IRX6: variants seen among roughly 807,000 people sequenced by gnomAD.
IRX6 encodes the protein iroquois homeobox 6, also known as iroquois-class homeodomain protein IRX-6.
IRX6 carries 46 observed loss-of-function variants against 47.7 expected under a neutral mutation model. The observed-to-expected ratio is 0.96, with a 90% CI of 0.76 to 1.23. The LOEUF (loss-of-function observed/expected upper bound fraction) is 1.23. Among genes scored for constraint, IRX6 ranks in the 50% most tolerant of loss-of-function variants. The pLI is 0.00. For missense variants in IRX6, 722 were observed against 588.0 expected, an observed-to-expected ratio of 1.23 and a Z score of -2.36; for synonymous variants, 265 against 246.2, an observed-to-expected ratio of 1.08 and a Z score of -0.72.
chr16:55,325,530 GGAGAGAGAGA>G lies in IRX6; in HGVS notation c.45+417_45+426del, dbSNP rs750802559. Among the ~76,000 whole-genome samples the G allele has an allele frequency of 2.2e-4, 2 of 9,082 alleles. 1 individual carries two copies. The highest frequency in any genetic ancestry group is 3.5e-4 in the Non-Finnish European group (2 of 5,716). 6.0% of individuals were successfully genotyped at this position (9,082 alleles called of 152,430 possible). A position where few individuals can be genotyped will look rare whatever the true frequency, so the allele number is the denominator to read the frequency against. On this transcript the variant is annotated intron_variant, in intron 1 of 5. Transcript: ENST00000290552. ...AGGAAGGAAGGAAGGAAGGAAGGAAGGAGAGAGAGAGAGAGAGAGAGAGAGAGAGAGAAAG... is the reference window on the plus strand; with the variant it reads ...AGGAAGGAAGGAAGGAAGGAAGGAAGGAGAGAGAGAGAGAGAGAGAGAAAG...
At chr16:55,329,475 G>A (rs1164796418) in intron 5 of IRX6, among the ~76,000 whole-genome samples, 164 bp downstream of exon 5, 3 of 152,202 alleles carry the variant, frequency 2.0e-5, no homozygotes, top group African/African-American at 7.2e-5. Context: ...CGTAGAGATA[G>A]GTTCTAGTAC....
At position 55,327,909 on chromosome 16, in the gene IRX6, A is replaced by C. The variant is rs1216775694; in HGVS notation, c.721+16A>C. On this transcript the variant is annotated intron_variant, in intron 4 of 5. Coordinates refer to ENST00000290552, the MANE Select transcript of IRX6 (RefSeq NM_024335.3). Reference sequence around the variant, plus strand: ...GACACCAAAGGTACTGAAAACGTTCACCACCCCACCTTAAGGGTTTTACAA... The same window carrying C: ...GACACCAAAGGTACTGAAAACGTTCCCCACCCCACCTTAAGGGTTTTACAA... 19 of 1,573,652 alleles carry C rather than the reference A, an allele frequency of 1.2e-5. No homozygotes were observed. Among genetic ancestry groups the C allele is most frequent in the Non-Finnish European group, 1.5e-5 (17 of 1,160,976 alleles).
At chr16:55,326,262 C>A in intron 1 of IRX6, 74 bp from the exon 2 acceptor site, 1 of 1,290,372 alleles carries the variant, frequency 7.7e-7, no homozygotes, top group South Asian at 1.5e-5. Flanking sequence ...GTTTCTAGCT[C>A]CCTTCAGCGG....
chr16:55,327,328 G>C lies in IRX6; in HGVS notation c.336G>C (p.Gly112=). The C allele has an allele frequency of 6.2e-7, 1 of 1,613,900 alleles. No individual in the cohort carries two copies. Among genetic ancestry groups the C allele is most frequent in the Non-Finnish European group, 8.5e-7 (1 of 1,179,848 alleles). ...AGTATGAATTTAAGGAGGCTGCAGG[G>C]AGTTTTACATCCAGCCTGGCACAAC... ...NPQYEFKEAA[G]SFTSSLAQPG... The change falls in exon 3 of 6, where the codon GGG becomes GGC. Residue 112 remains glycine, a synonymous_variant. Transcript: ENST00000290552.
At chr16:55,327,492 G>C (rs1960552806) in intron 3 of IRX6, 87 bp downstream of exon 3, 2 of 1,571,222 alleles carry the variant, frequency 1.3e-6, no homozygotes, top group African/African-American at 2.7e-5. Context: ...AGGGGAGAGG[G>C]AGGGAGCTGA....
Position 55,324,998 on chromosome 16 carries a change from A to G in IRX6, c.-94A>G, listed in dbSNP as rs1365017058. ...GGCGCTGGGCATCCGCAGCGGTGTA[A>G]GGAACTGAGACACCTCACTGCTGGG... On this transcript the variant is annotated 5_prime_UTR_variant, in exon 1 of 6. The change abolishes the stop of an existing upstream ORF in the 5' untranslated region. Transcript: ENST00000290552. This position sits in a 1 kb window ranked among gnomAD's most constrained non-coding sequence, Gnocchi z 4.4. The G allele has an allele frequency of 7.6e-7, 1 of 1,322,158 alleles. No individual in the cohort carries two copies. The highest frequency in any genetic ancestry group is 1.1e-6 in the Non-Finnish European group (1 of 918,224). The allele number at this position is 1,322,158 out of a possible 1,614,324, so 81.9% of individuals were successfully genotyped here. A position where few individuals can be genotyped will look rare whatever the true frequency, so the allele number is the denominator to read the frequency against.
In IRX6 at chr16:55,327,700, G is replaced by A; in HGVS notation, c.528G>A (p.Lys176=). ...ACCGCAAAAACCCCTACCCCACTAA[G>A]GGTGAGAAGATCATGCTGGCCATCA... ...NEHRKNPYPT[K]GEKIMLAIIT... is the part of the protein sequence containing the mutation. Residue 176 remains lysine, a synonymous_variant, in exon 4 of 6, where the codon AAG becomes AAA. Transcript: ENST00000290552. The A allele has an allele frequency of 1.9e-6, 3 of 1,612,394 alleles. No individual in the cohort carries two copies. Among genetic ancestry groups the A allele is most frequent in the Non-Finnish European group, 2.5e-6 (3 of 1,180,024 alleles).
At chr16:55,329,963 G>A (rs1312864019) in intron 5 of IRX6, among the ~76,000 whole-genome samples, 1 of 152,172 alleles carries the variant, frequency 6.6e-6, no homozygotes, top group African/African-American at 2.4e-5. Context: ...GCCAATCAGT[G>A]TCCCCTGATG....
chr16:55,329,881 T>C (rs1181276884), intron 5 of IRX6, among the ~76,000 whole-genome samples: 11 of 152,314 alleles, frequency 7.2e-5, no homozygotes, highest in African/African-American at 2.6e-4. Flanking sequence ...GGTCAGCAGC[T>C]TCAGGCCCCA....
rs778759846 is a variant in IRX6 at position 55,326,511 on chromosome 16, C to A, written c.221C>A (p.Pro74His). 1 of 1,608,582 alleles carries A rather than the reference C, an allele frequency of 6.2e-7. No homozygotes were observed. The highest frequency in any genetic ancestry group is 1.3e-5 in the African/African-American group (1 of 74,838). Residue 74 changes from proline (P) to histidine (H), a missense_variant, in exon 2 of 6, where the codon CCC becomes CAC. Physicochemically the swap from Pro to His is moderately conservative, Grantham distance 77. Coordinates refer to ENST00000290552, the MANE Select transcript of IRX6 (RefSeq NM_024335.3). ...LGAALGIYGA[P>H]YAAAAAAQSY... Reference sequence around the variant, plus strand: ...GCCGCCTTGGGCATCTATGGAGCACCCTATGCGGCCGCTGCAGCTGCCCAG... The same window carrying A: ...GCCGCCTTGGGCATCTATGGAGCACACTATGCGGCCGCTGCAGCTGCCCAG...
Position 55,330,633 on chromosome 16 carries a change from G to A in IRX6, c.*328G>A, listed in dbSNP as rs1960625852. 2.2e-6 allele frequency: 1 copy of A among 444,754 alleles called. No individual in the cohort carries two copies. The highest frequency in any genetic ancestry group is 4.1e-6 in the Non-Finnish European group (1 of 244,012). 27.6% of individuals were successfully genotyped at this position (444,754 alleles called of 1,614,324 possible). On this transcript the variant is annotated 3_prime_UTR_variant, in exon 6 of 6. Transcript: ENST00000290552. Reference sequence around the variant, plus strand: ...AAGGCTTCCTCTCCTGCTCACCCCTGTCTCTCACCTCCACCAACCCCACTC... The same window carrying A: ...AAGGCTTCCTCTCCTGCTCACCCCTATCTCTCACCTCCACCAACCCCACTC...
chr16:55,326,678 C>A lies in IRX6; in HGVS notation c.303+85C>A. On this transcript the variant is annotated intron_variant, in intron 2 of 5. Transcript: ENST00000290552. ...AAGTCAAGGAAAGACCCACACCTCC[C>A]GAGGAAAGGAAATGGTTAGGACTGT... 5 of 1,379,074 alleles carry A rather than the reference C, an allele frequency of 3.6e-6. No individual in the cohort carries two copies. In the South Asian group the frequency reaches 6.1e-5, roughly 17 times the overall value. 85.4% of individuals were successfully genotyped at this position (1,379,074 alleles called of 1,614,324 possible).
rs1960559567 is a variant in IRX6, at chr16:55,327,702, G to A, written c.530G>A (p.Gly177Asp). 1 of 1,612,404 alleles carries A rather than the reference G, an allele frequency of 6.2e-7. No individual in the cohort carries two copies. Among genetic ancestry groups the A allele is most frequent in the Non-Finnish European group, 8.5e-7 (1 of 1,180,024 alleles). The change falls in exon 4 of 6, where the codon GGT becomes GAT. Residue 177 changes from glycine to aspartate, a missense_variant. Coordinates refer to ENST00000290552, the MANE Select transcript of IRX6 (RefSeq NM_024335.3). ...CGCAAAAACCCCTACCCCACTAAGG[G>A]TGAGAAGATCATGCTGGCCATCATC... ...EHRKNPYPTK[G>D]EKIMLAIITK...
chr16:55,329,146 C>T lies in IRX6; in HGVS notation c.1168C>T (p.Arg390Trp). The T allele has an allele frequency of 1.2e-6, 2 of 1,614,138 alleles. No individual in the cohort carries two copies. Among genetic ancestry groups the T allele is most frequent in the East Asian group, 2.2e-5 (1 of 44,860 alleles). Residue 390 changes from arginine to tryptophan, a missense_variant, in exon 5 of 6, where the codon CGG becomes TGG. Physicochemically the swap from Arg to Trp is moderately radical, Grantham distance 101. Coordinates refer to ENST00000290552, the MANE Select transcript of IRX6 (RefSeq NM_024335.3). ...TCCTGGACAGCCTCCTGCCTCTGCC[C>T]GGCGACTCTCAGTCCCCAGAGACTC... ...MIPGQPPASA[R>W]RLSVPRDSAC...
chr16:55,325,530 G>GGAGAGAGAGAGAGAGA (rs750802559), intron 1 of IRX6, among the ~76,000 whole-genome samples: 3 of 9,080 alleles, frequency 3.3e-4, no homozygotes, highest in African/African-American at 7.7e-4. Context: ...AAGGAAGGAA[G>GGAGAGAGAGAGAGAGA]GAGAGAGAGA....
rs372014622 is a variant in IRX6, at chr16:55,327,911, C to A, written c.721+18C>A. 21 of 1,572,576 alleles carry A rather than the reference C, an allele frequency of 1.3e-5. No homozygotes were observed. Among genetic ancestry groups the A allele is most frequent in the Non-Finnish European group, 1.7e-5 (20 of 1,160,672 alleles). ...CACCAAAGGTACTGAAAACGTTCAC[C>A]ACCCCACCTTAAGGGTTTTACAAGT... is the stretch of plus-strand genomic sequence containing the variant. On this transcript the variant is annotated intron_variant, in intron 4 of 5. Transcript: ENST00000290552.
chr16:55,328,187 G>C (rs1177386230), intron 4 of IRX6, among the ~76,000 whole-genome samples: 1 of 152,022 alleles, frequency 6.6e-6, no homozygotes, highest in African/African-American at 2.4e-5. Flanking sequence ...GATTTCCTTT[G>C]CCATACTTGT....
chr16:55,330,421 A>G lies in IRX6; in HGVS notation c.*116A>G, dbSNP rs375736320. The G allele has an allele frequency of 1.9e-4, 197 of 1,026,486 alleles. 1 individual carries two copies. In the African/African-American group the frequency reaches 2.8e-3, roughly 14 times the overall value. 63.6% of individuals were successfully genotyped at this position (1,026,486 alleles called of 1,614,324 possible). ...GGACCAGGAGCTCTCACTTTGCCTA[A>G]GAGACAGACACACAGAAACCCTCCT... On this transcript the variant is annotated 3_prime_UTR_variant, in exon 6 of 6. Coordinates refer to ENST00000290552, the MANE Select transcript of IRX6 (RefSeq NM_024335.3).
Position 55,329,256 on chromosome 16 carries a change from G to C in IRX6, c.1278G>C (p.Pro426=), listed in dbSNP as rs762037558. Residue 426 remains proline (P), a synonymous_variant, in exon 5 of 6, where the codon CCG becomes CCC. Transcript: ENST00000290552. Reference sequence around the variant, plus strand: ...AGGGACTACCGCTGAACTGTGCGCCGTGCCCGCGGAGGAGCGAGCCTGTAG... The same window carrying C: ...AGGGACTACCGCTGAACTGTGCGCCCTGCCCGCGGAGGAGCGAGCCTGTAG... The part of the protein sequence containing the change: ...ALQGLPLNCA[P]CPRRSEPVVQ... 1.2e-6 allele frequency: 2 copies of C among 1,613,392 alleles called. No individual in the cohort carries two copies. Among genetic ancestry groups the C allele is most frequent in the Non-Finnish European group, 8.5e-7 (1 of 1,179,926 alleles).
Sources: gnomAD v4.1 joint callset for allele counts (sites outside exome capture counted in the v4.1 genomes callset) on GRCh38, gnomAD v4.1.1 for gene constraint, Gnocchi (gnomAD v3.1) non-coding constraint, MANE v1.5 for transcripts, NCBI Gene and HGNC (gene_info 2026-07-23, HGNC 2026-07-21) for gene names.